Variants in ABCA12 observed in about 807,000 individuals in gnomAD.
The protein encoded by ABCA12 is glucosylceramide transporter ABCA12.
A neutral mutation model predicts 293.5 loss-of-function variants in ABCA12; 156 were observed. The observed-to-expected ratio is 0.53, with a 90% CI of 0.47 to 0.61. The LOEUF is 0.61. Among genes scored for constraint, ABCA12 ranks in the 20% least tolerant of loss-of-function variants. The pLI is 0.00. For synonymous variants in ABCA12, 1,063 were observed against 1,108.0 expected (o/e 0.96, Z 0.81); for missense variants, 2,797 against 3,090.2 (o/e 0.91, Z 2.25).
intron 1 of ABCA12, among the ~76,000 whole-genome samples, chr2:215,114,216 G>T (rs1245050561): frequency 6.6e-6 from 1 of 152,122 alleles, no homozygotes; most frequent in African/African-American, 2.4e-5. Context: ...CTCATAATCT[G>T]CCCACCTTGG....
At position 214,972,080 on chromosome 2, in the gene ABCA12, CTG is replaced by C. The variant is rs546653040; in HGVS notation, c.5563-1682_5563-1681del. On this transcript the variant is annotated intron_variant, in intron 36 of 52. Transcript: ENST00000272895. Reference sequence around the variant, plus strand: ...CTCATGTTTGTTGCTAATTTTTCTGCTGTGTTATTTATCTTTTTCTCATTGAT... The same window carrying C: ...CTCATGTTTGTTGCTAATTTTTCTGCTGTTATTTATCTTTTTCTCATTGAT... Among the ~76,000 whole-genome samples, 155 of 152,172 alleles carry C rather than the reference CTG, an allele frequency of 1.0e-3. 1 individual carries two copies. The highest frequency in any genetic ancestry group is 6.8e-3 in the Middle Eastern group (2 of 294).
At chr2:215,010,723 A>T (rs569085707) in intron 17 of ABCA12, among the ~76,000 whole-genome samples, 130 of 152,272 alleles carry the variant, frequency 8.5e-4, no homozygotes, top group Non-Finnish European at 1.5e-3. Context: ...GAAATAGAAA[A>T]CGTGAAAGCC....
rs180744547 is a variant in ABCA12 at position 215,039,225 on chromosome 2, A to G, written c.873-2160T>C. ...TCGGTGGTTGGTTTATATACAACATACAATGTAAAAAAATGCTGGAGAAAT... is the reference window on the plus strand; with the variant it reads ...TCGGTGGTTGGTTTATATACAACATGCAATGTAAAAAAATGCTGGAGAAAT... On this transcript the variant is annotated intron_variant, in intron 7 of 52. Transcript: ENST00000272895. Among the ~76,000 whole-genome samples, 111 of 152,288 alleles carry G rather than the reference A, an allele frequency of 7.3e-4. 4 individuals carry two copies. In the East Asian group the frequency reaches 0.02, roughly 28 times the overall value.
chr2:214,991,897 G>T (rs1286926103), intron 23 of ABCA12, among the ~76,000 whole-genome samples: 2 of 152,150 alleles, frequency 1.3e-5, no homozygotes, highest in African/African-American at 4.8e-5. Context: ...ATGGAGGGAA[G>T]GGGAGGTATA....
At chr2:214,968,180 A>G (rs977218134) in intron 38 of ABCA12, among the ~76,000 whole-genome samples, 5 of 152,142 alleles carry the variant, frequency 3.3e-5, no homozygotes, top group African/African-American at 9.6e-5. Flanking sequence ...GGGTTGAGAA[A>G]TAAGAATTGC....
intron 39 of ABCA12, among the ~76,000 whole-genome samples, chr2:214,964,686 T>A (rs1699211391): frequency 6.6e-6 from 1 of 152,066 alleles, no homozygotes; most frequent in Non-Finnish European, 1.5e-5. Context: ...GTGAAGGACC[T>A]CTTCAAGAGA....
At chr2:215,088,854 G>A (rs914675553) in intron 2 of ABCA12, among the ~76,000 whole-genome samples, 27 of 152,094 alleles carry the variant, frequency 1.8e-4, no homozygotes, top group African/African-American at 6.3e-4. Context: ...GTGTCTCCTG[G>A]AATGAGCTTT....
intron 13 of ABCA12, 56 bp downstream of exon 13, chr2:215,019,280 G>A (rs1237438939): frequency 3.1e-5 from 46 of 1,494,226 alleles, no homozygotes; most frequent in East Asian, 9.0e-5. Flanking sequence ...AAACTGCAGC[G>A]TGAGAATCAC....
At position 215,052,452 on chromosome 2, in the gene ABCA12, A is replaced by G. The variant is rs764392621; in HGVS notation, c.507+35T>C. ...TATTAACCTAAAAGGCCTATGTTGAATCACTCTACCCATTACAAAATTGAA... is the reference window on the plus strand; with the variant it reads ...TATTAACCTAAAAGGCCTATGTTGAGTCACTCTACCCATTACAAAATTGAA... On this transcript the variant is annotated intron_variant, in intron 5 of 52. Coordinates refer to ENST00000272895, the MANE Select transcript of ABCA12 (RefSeq NM_173076.3). 6 of 1,552,752 alleles carry G rather than the reference A, an allele frequency of 3.9e-6. No individual in the cohort carries two copies. In the African/African-American group the frequency reaches 8.2e-5, roughly 21 times the overall value.
chr2:215,054,506 T>G, intron 4 of ABCA12, 67 bp downstream of exon 4: 1 of 1,331,016 alleles, frequency 7.5e-7, no homozygotes, highest in Non-Finnish European at 1.1e-6. Flanking sequence ...AGTATAAACC[T>G]TTCAAAGATT....
chr2:214,974,140 T>G, intron 35 of ABCA12, 98 bp from the exon 36 acceptor site: 1 of 1,072,754 alleles, frequency 9.3e-7, no homozygotes, highest in Non-Finnish European at 1.4e-6. Context: ...TAAGTTCATG[T>G]GTGTAGTCAC....
chr2:214,979,280 A>G (rs1405598012), intron 31 of ABCA12, among the ~76,000 whole-genome samples: 1 of 151,976 alleles, frequency 6.6e-6, no homozygotes, highest in East Asian at 1.9e-4. Context: ...CTCTAGCAAC[A>G]ACAGTCTCTT....
intron 2 of ABCA12, chr2:215,085,532 A>G (rs997804197): frequency 1.3e-5 from 2 of 152,236 alleles, no homozygotes; most frequent in African/African-American, 4.8e-5. Context: ...GGGTACAGTG[A>G]GTGCTCTTTC....
At chr2:214,984,610 A>C (rs930749396) in intron 28 of ABCA12, among the ~76,000 whole-genome samples, 14 of 152,248 alleles carry the variant, frequency 9.2e-5, no homozygotes, top group African/African-American at 3.1e-4. Flanking sequence ...AGTATGTTTA[A>C]AACCGAGCTC....
chr2:215,009,982 C>G (rs1296335410), intron 18 of ABCA12, among the ~76,000 whole-genome samples: 1 of 152,110 alleles, frequency 6.6e-6, no homozygotes, highest in African/African-American at 2.4e-5. Flanking sequence ...CTCAATATTA[C>G]TTTTTCTAGT....
chr2:214,980,759 C>T (rs920196367), intron 30 of ABCA12, 116 bp from the exon 31 acceptor site: 12 of 1,368,258 alleles, frequency 8.8e-6, no homozygotes, highest in African/African-American at 2.9e-5. Context: ...ATTTCATGAG[C>T]TAACTGAAAA....
intron 34 of ABCA12, 90 bp from the exon 35 acceptor site, chr2:214,974,954 T>C: frequency 8.4e-7 from 1 of 1,188,586 alleles, no homozygotes; most frequent in South Asian, 1.2e-5. Flanking sequence ...ATGTGCTGTA[T>C]ATAGAAGGGT....
Position 214,955,381 on chromosome 2 carries a change from A to G in ABCA12, c.6234-20T>C. On this transcript the variant is annotated intron_variant, in intron 42 of 52. Coordinates refer to ENST00000272895, the MANE Select transcript of ABCA12 (RefSeq NM_173076.3). ...GCATACCTGCAGGTTAAAAACACAAAGAATTAAAATTACGCCTCGGCCAGG... is the reference window on the plus strand; with the variant it reads ...GCATACCTGCAGGTTAAAAACACAAGGAATTAAAATTACGCCTCGGCCAGG... 1 of 1,613,784 alleles carries G rather than the reference A, an allele frequency of 6.2e-7. No homozygotes were observed. Among genetic ancestry groups the G allele is most frequent in the Non-Finnish European group, 8.5e-7 (1 of 1,179,746 alleles).
intron 43 of ABCA12, 130 bp downstream of exon 43, chr2:214,955,072 C>T: frequency 8.5e-7 from 1 of 1,178,190 alleles, no homozygotes; most frequent in Non-Finnish European, 1.2e-6. Flanking sequence ...ATTTTAAAAG[C>T]TGTAGTTTCT....
Sources: allele counts gnomAD v4.1 joint callset (sites outside exome capture counted in the v4.1 genomes callset), GRCh38; gene constraint gnomAD v4.1.1; transcripts MANE v1.5; gene names NCBI Gene and HGNC (gene_info 2026-07-23, HGNC 2026-07-21).